Variants in PTPRT observed in about 807,000 individuals in gnomAD.
The protein encoded by PTPRT is protein tyrosine phosphatase receptor type T.
In PTPRT, 56 loss-of-function variants were observed where a neutral mutation model predicts 176.8. The ratio of observed to expected loss-of-function variants is 0.32; its 90% confidence interval spans 0.26 to 0.40. The LOEUF is 0.40. Among genes scored for constraint, PTPRT ranks in the 10% least tolerant of loss-of-function variants. The pLI, the probability that PTPRT is intolerant of heterozygous loss-of-function variation, is 1.00. For missense variants in PTPRT, 1,540 were observed against 1,908.2 expected, an observed-to-expected ratio of 0.81 and a Z score of 3.60; for synonymous variants, 783 against 739.0, an observed-to-expected ratio of 1.06 and a Z score of -0.96.
rs531159946 is a variant in PTPRT at position 42,525,278 on chromosome 20, T to TC, written c.1154-52717dup. Among the ~76,000 whole-genome samples the TC allele has an allele frequency of 3.0e-4, 45 of 152,294 alleles. No homozygotes were observed. In the East Asian group the frequency reaches 8.7e-3, roughly 29 times the overall value. On this transcript the variant is annotated intron_variant, in intron 7 of 30. Transcript: ENST00000373187. ...TAGGATTACAGGTGTAAGTCATTGT[T>TC]CCCGGCTCATCTTTTATTTCTGTAA... is the stretch of plus-strand genomic sequence containing the variant.
intron 2 of PTPRT, among the ~76,000 whole-genome samples, chr20:42,851,944 G>C (rs938628951): frequency 1.1e-4 from 17 of 152,078 alleles, no homozygotes; most frequent in Non-Finnish European, 2.2e-4. Context: ...TTCCCAAAAC[G>C]ATTTAAGTCT....
At chr20:43,067,159 C>T (rs1448904790) in intron 1 of PTPRT, among the ~76,000 whole-genome samples, 2 of 152,106 alleles carry the variant, frequency 1.3e-5, no homozygotes, top group African/African-American at 2.4e-5. Context: ...AAGGAAGTAC[C>T]GACACATGCT....
chr20:42,415,277 G>A (rs968982669), intron 9 of PTPRT, among the ~76,000 whole-genome samples: 1 of 152,188 alleles, frequency 6.6e-6, no homozygotes, highest in Non-Finnish European at 1.5e-5. Flanking sequence ...GAGCTCCTGG[G>A]CTCAAGTGAT....
chr20:42,268,972 C>G (rs1489756137), intron 13 of PTPRT, among the ~76,000 whole-genome samples: 1 of 152,168 alleles, frequency 6.6e-6, no homozygotes, highest in Non-Finnish European at 1.5e-5. Context: ...CCCAGGAGGT[C>G]ATGCATTCCC....
chr20:42,495,769 G>A (rs1352550382), intron 7 of PTPRT, among the ~76,000 whole-genome samples: 1 of 152,152 alleles, frequency 6.6e-6, no homozygotes, highest in African/African-American at 2.4e-5. Flanking sequence ...GCATTTCCAT[G>A]TAGGTATCCA....
chr20:42,089,364 A>AATTTAGGG (rs1984370216), intron 27 of PTPRT, among the ~76,000 whole-genome samples: 1 of 152,148 alleles, frequency 6.6e-6, no homozygotes, highest in Non-Finnish European at 1.5e-5. Flanking sequence ...ACCTGCACTG[A>AATTTAGGG]ATTTAGGGTT....
intron 11 of PTPRT, among the ~76,000 whole-genome samples, chr20:42,339,956 C>G (rs1354196853): frequency 6.6e-6 from 1 of 152,158 alleles, no homozygotes; most frequent in African/African-American, 2.4e-5. Flanking sequence ...GATCCCTGGC[C>G]TTTACCTCTC....
At chr20:42,328,173 C>A (rs2057912902) in intron 11 of PTPRT, among the ~76,000 whole-genome samples, 4 of 152,038 alleles carry the variant, frequency 2.6e-5, no homozygotes, top group Admixed American at 2.6e-4. Flanking sequence ...ACTGTGAGAA[C>A]AATAATGTTT....
At chr20:42,980,589 C>T (rs565612560) in intron 1 of PTPRT, among the ~76,000 whole-genome samples, 15 of 152,190 alleles carry the variant, frequency 9.9e-5, no homozygotes, top group Non-Finnish European at 1.8e-4. Flanking sequence ...CTTCCCCCCA[C>T]CCTACTGCAG....
chr20:42,807,632 T>C (rs1315371023), intron 2 of PTPRT, among the ~76,000 whole-genome samples: 1 of 152,196 alleles, frequency 6.6e-6, no homozygotes, highest in East Asian at 1.9e-4. Context: ...ATTGATATAC[T>C]ACGACCCAGG....
At chr20:42,055,479 G>T in the PTPRT span, among the ~76,000 whole-genome samples, 2 of 152,268 alleles carry the variant, frequency 1.3e-5, no homozygotes, top group Non-Finnish European at 2.9e-5. Context: ...TGCAAGAGCA[G>T]CCAGGCCAGC....
At chr20:43,119,435 AAGT>A (rs1157678195) in intron 1 of PTPRT, among the ~76,000 whole-genome samples, 1 of 152,078 alleles carries the variant, frequency 6.6e-6, no homozygotes, top group Non-Finnish European at 1.5e-5. Flanking sequence ...CTTTTCTTAT[AAGT>A]AAGTTGTCCA....
intron 12 of PTPRT, among the ~76,000 whole-genome samples, chr20:42,304,185 C>G (rs1349830491): frequency 6.6e-6 from 1 of 152,128 alleles, no homozygotes; most frequent in Admixed American, 6.6e-5. Flanking sequence ...TTCAGGCAGC[C>G]AGTGTGTCAG....
In PTPRT at chr20:42,779,951, A is replaced by ACT. The variant is rs905927898; in HGVS notation, c.568+265_568+266dup. Among the ~76,000 whole-genome samples, 193 of 151,778 alleles carry ACT rather than the reference A, an allele frequency of 1.3e-3. 1 individual carries two copies. The highest frequency in any genetic ancestry group is 4.3e-3 in the African/African-American group (178 of 41,364). ...CACTAATAAACAATCAGGACTTTAGACTCCCTTAATAATGGAGAGAGATTC... is the reference window on the plus strand; with the variant it reads ...CACTAATAAACAATCAGGACTTTAGACTCTCCCTTAATAATGGAGAGAGATTC... On this transcript the variant is annotated intron_variant, in intron 4 of 30. Coordinates refer to ENST00000373187, the MANE Select transcript of PTPRT (RefSeq NM_007050.6).
chr20:42,414,103 A>G (rs1389134954), intron 9 of PTPRT, among the ~76,000 whole-genome samples: 1 of 152,166 alleles, frequency 6.6e-6, no homozygotes, highest in African/African-American at 2.4e-5. Context: ...AAGTGCTAGG[A>G]TTACAGGTAT....
At chr20:42,890,547 C>A (rs2079175105) in intron 1 of PTPRT, among the ~76,000 whole-genome samples, 1 of 152,158 alleles carries the variant, frequency 6.6e-6, no homozygotes, top group African/African-American at 2.4e-5. Context: ...GAGATACAGA[C>A]CCATGCAGTC....
the PTPRT span, among the ~76,000 whole-genome samples, chr20:42,034,002 T>C: frequency 6.6e-6 from 1 of 152,190 alleles, no homozygotes; most frequent in Non-Finnish European, 1.5e-5. Flanking sequence ...TTAATTAATA[T>C]ATCAGGTATA....
At chr20:42,556,178 G>A (rs748028509) in intron 7 of PTPRT, among the ~76,000 whole-genome samples, 7 of 152,094 alleles carry the variant, frequency 4.6e-5, no homozygotes, top group Non-Finnish European at 7.4e-5. Flanking sequence ...AACCCACAGG[G>A]TCAGCAATAT....
At chr20:42,592,250 C>T (rs993651357) in intron 7 of PTPRT, among the ~76,000 whole-genome samples, 2 of 152,044 alleles carry the variant, frequency 1.3e-5, no homozygotes, top group Non-Finnish European at 2.9e-5. Flanking sequence ...GCTGGGATTA[C>T]AGGCATGAGC....
Sources: gnomAD v4.1 joint callset for allele counts (sites outside exome capture counted in the v4.1 genomes callset) on GRCh38, gnomAD v4.1.1 for gene constraint, MANE v1.5 for transcripts, NCBI Gene and HGNC (gene_info 2026-07-23, HGNC 2026-07-21) for gene names.